GLMN: variants seen among roughly 807,000 people sequenced by gnomAD.
GLMN encodes glomulin.
GLMN carries 75 observed loss-of-function variants against 87.8 expected under a neutral mutation model. That is an observed-to-expected ratio of 0.85 (90% CI 0.71 to 1.04). GLMN has a LOEUF of 1.04. Among genes scored for constraint, GLMN ranks in the 50% least tolerant of loss-of-function variants. The probability of loss-of-function intolerance (pLI) is 0.00; values close to 1 mark genes in which losing one functional copy is unlikely to be tolerated. For missense variants in GLMN, 588 were observed against 658.8 expected (o/e 0.89, Z 1.18); for synonymous variants, 206 against 221.6 (o/e 0.93, Z 0.63).
intron 7 of GLMN, among the ~76,000 whole-genome samples, chr1:92,282,912 C>T (rs1049714360): frequency 6.6e-6 from 1 of 152,134 alleles, no homozygotes; most frequent in African/African-American, 2.4e-5. Context: ...ATACACCCTC[C>T]CAAGACTAAA....
At chr1:92,267,253 G>C (rs143299728) in intron 11 of GLMN, among the ~76,000 whole-genome samples, 9 of 152,222 alleles carry the variant, frequency 5.9e-5, no homozygotes, top group East Asian at 3.9e-4. Context: ...CTGAGAACTT[G>C]AGTTATGAGA....
At chr1:92,330,330 TTCCC>T in the GLMN span, among the ~76,000 whole-genome samples, 1 of 152,214 alleles carries the variant, frequency 6.6e-6, no homozygotes, top group Admixed American at 6.5e-5. Context: ...TTGGGAAATG[TTCCC>T]TCCATTTCTG....
At chr1:92,248,762 C>T (rs1039787303) in intron 16 of GLMN, among the ~76,000 whole-genome samples, 1 of 150,730 alleles carries the variant, frequency 6.6e-6, no homozygotes, top group Non-Finnish European at 1.5e-5. Context: ...TTACTTGCAG[C>T]ATTCCAAATA....
At chr1:92,339,526 C>T in the GLMN span, among the ~76,000 whole-genome samples, 1 of 152,078 alleles carries the variant, frequency 6.6e-6, no homozygotes, top group East Asian at 1.9e-4. Context: ...CCTTGGTTTT[C>T]CTGCCTGCTC....
At chr1:92,354,487 A>G in the GLMN span, among the ~76,000 whole-genome samples, 143 of 152,332 alleles carry the variant, frequency 9.4e-4, no homozygotes, top group Non-Finnish European at 1.7e-3. Context: ...AAACAAACCT[A>G]TGTGTAATAT....
the GLMN span, among the ~76,000 whole-genome samples, chr1:92,370,439 C>T: frequency 6.6e-6 from 1 of 152,126 alleles, no homozygotes; most frequent in Non-Finnish European, 1.5e-5. Context: ...GAAGGAATAA[C>T]TTCAAGAGCT....
the GLMN span, among the ~76,000 whole-genome samples, chr1:92,354,487 A>C: frequency 2.0e-5 from 3 of 152,214 alleles, no homozygotes; most frequent in Non-Finnish European, 2.9e-5. Flanking sequence ...AAACAAACCT[A>C]TGTGTAATAT....
the GLMN span, among the ~76,000 whole-genome samples, chr1:92,314,620 G>A: frequency 6.6e-6 from 1 of 151,738 alleles, no homozygotes; most frequent in Admixed American, 6.6e-5. Flanking sequence ...GCATGCACCT[G>A]TAATCCCAGC....
intron 7 of GLMN, among the ~76,000 whole-genome samples, chr1:92,285,396 T>C (rs1648609755): frequency 6.6e-6 from 1 of 152,072 alleles, no homozygotes; most frequent in African/African-American, 2.4e-5. Flanking sequence ...TTCTTACTCA[T>C]TGGTAGGAGT....
upstream of GLMN, among the ~76,000 whole-genome samples, chr1:92,303,310 A>T (rs1390863271): frequency 1.3e-5 from 2 of 152,234 alleles, no homozygotes; most frequent in Non-Finnish European, 2.9e-5. Flanking sequence ...TTTGAAACAT[A>T]AAACTTACAT....
chr1:92,324,302 T>G, the GLMN span: 7 of 1,614,048 alleles, frequency 4.3e-6, no homozygotes, highest in Non-Finnish European at 5.9e-6. Flanking sequence ...AAGTTAAATC[T>G]GAGGATCAGG....
chr1:92,274,253 G>A (rs1656574034), intron 7 of GLMN, among the ~76,000 whole-genome samples: 1 of 152,086 alleles, frequency 6.6e-6, no homozygotes, highest in Non-Finnish European at 1.5e-5. Context: ...CTGCCTCACT[G>A]CTTTAACTAA....
chr1:92,277,326 A>C (rs1392854169), intron 7 of GLMN, among the ~76,000 whole-genome samples: 1 of 152,240 alleles, frequency 6.6e-6, no homozygotes, highest in African/African-American at 2.4e-5. Flanking sequence ...GTTTGATTAC[A>C]TCACTCCCAG....
chr1:92,320,130 T>C, the GLMN span, among the ~76,000 whole-genome samples: 2 of 152,216 alleles, frequency 1.3e-5, no homozygotes, highest in Non-Finnish European at 2.9e-5. Flanking sequence ...GGAAGGGATT[T>C]ACTTTAGTCC....
intron 7 of GLMN, among the ~76,000 whole-genome samples, chr1:92,280,171 G>A (rs1176125528): frequency 2.0e-5 from 3 of 152,232 alleles, no homozygotes; most frequent in Non-Finnish European, 4.4e-5. Flanking sequence ...GCGGGTCCCT[G>A]ACCCCCGCGT....
At position 92,264,614 on chromosome 1, in the gene GLMN, G is replaced by GTGAT; in HGVS notation, c.1235_1238dup (p.His413GlnfsTer18). ...GAATAATAAAAGCCTCCACACCTGA[G>GTGAT]TGATTACTTGTATTCAATAAGCACC... On this transcript the variant is annotated frameshift_variant, in exon 14 of 19. Transcript: ENST00000370360. LOFTEE classifies it high-confidence loss of function. The GTGAT allele has an allele frequency of 1.3e-6, 2 of 1,581,774 alleles. No individual in the cohort carries two copies. Among genetic ancestry groups the GTGAT allele is most frequent in the African/African-American group, 1.3e-5 (1 of 74,324 alleles).
the GLMN span, among the ~76,000 whole-genome samples, chr1:92,314,847 C>A: frequency 6.6e-6 from 1 of 151,920 alleles, no homozygotes; most frequent in South Asian, 2.1e-4. Context: ...GAGTTTGAGA[C>A]CAGCCTGGCC....
intron 3 of GLMN, 76 bp from the exon 4 acceptor site, chr1:92,291,613 G>A (rs1359756090): frequency 7.1e-7 from 1 of 1,413,566 alleles, no homozygotes; most frequent in African/African-American, 1.4e-5. Flanking sequence ...TATCTTGGAA[G>A]AGCTCAGAAT....
the GLMN span, among the ~76,000 whole-genome samples, chr1:92,327,786 G>GT: frequency 6.6e-6 from 1 of 151,742 alleles, no homozygotes; most frequent in Non-Finnish European, 1.5e-5. Flanking sequence ...TTCTATTTTG[G>GT]TATTATTTCC....
Sources: gnomAD v4.1 joint callset for allele counts (sites outside exome capture counted in the v4.1 genomes callset) on GRCh38, gnomAD v4.1.1 for gene constraint, MANE v1.5 for transcripts, NCBI Gene and HGNC (gene_info 2026-07-23, HGNC 2026-07-21) for gene names.